Variants in SORCS2 observed in about 807,000 individuals in gnomAD.
SORCS2 encodes VPS10 domain-containing receptor SorCS2.
In SORCS2, 100 loss-of-function variants were observed where a neutral mutation model predicts 141.6. The observed-to-expected ratio is 0.71, with a 90% CI of 0.60 to 0.83. The LOEUF is 0.83. Ranked by LOEUF, SORCS2 falls within the 40% of genes least tolerant of loss-of-function variation. SORCS2 has a pLI of 0.00. For synonymous variants in SORCS2, 789 were observed against 676.9 expected (o/e 1.17, Z -2.57); for missense variants, 1,646 against 1,560.2 (o/e 1.05, Z -0.93).
chr4:7,531,289 G>T (rs78961043), intron 2 of SORCS2, among the ~76,000 whole-genome samples: 967 of 152,308 alleles, frequency 6.3e-3, no homozygotes, highest in Non-Finnish European at 0.01. Context: ...CCTGACTTTG[G>T]ATCCTAGCTC....
intron 24 of SORCS2, among the ~76,000 whole-genome samples, chr4:7,733,820 C>G (rs1385358283): frequency 6.6e-6 from 1 of 152,234 alleles, no homozygotes; most frequent in Non-Finnish European, 1.5e-5. Context: ...TCAACATAGC[C>G]GGGGAGCTCT....
At chr4:7,394,718 G>C (rs1724093780) in intron 1 of SORCS2, among the ~76,000 whole-genome samples, 1 of 152,090 alleles carries the variant, frequency 6.6e-6, no homozygotes, top group Non-Finnish European at 1.5e-5. Flanking sequence ...ACGGGGATGT[G>C]AAGCCAGCCT....
intron 25 of SORCS2, among the ~76,000 whole-genome samples, chr4:7,734,669 G>A (rs1206630958): frequency 6.6e-6 from 1 of 152,202 alleles, no homozygotes; most frequent in African/African-American, 2.4e-5. Context: ...CCACCTCACA[G>A]GGAGGACACT....
chr4:7,352,056 C>T (rs1005839018), intron 1 of SORCS2, among the ~76,000 whole-genome samples: 2 of 152,102 alleles, frequency 1.3e-5, no homozygotes, highest in Non-Finnish European at 1.5e-5. Context: ...CCACCCAATA[C>T]TTGCTCTGTA....
At chr4:7,470,645 C>T (rs1389349908) in intron 2 of SORCS2, among the ~76,000 whole-genome samples, 1 of 150,060 alleles carries the variant, frequency 6.7e-6, no homozygotes, top group African/African-American at 2.5e-5. Context: ...TGGAGAGACA[C>T]AGGTGATGAT....
intron 3 of SORCS2, among the ~76,000 whole-genome samples, chr4:7,546,518 G>T (rs1459083512): frequency 2.6e-5 from 4 of 151,928 alleles, no homozygotes; most frequent in African/African-American, 9.7e-5. Context: ...AATAAATGGT[G>T]CTGTCCTTCA....
chr4:7,677,698 A>T (rs989217534), intron 9 of SORCS2, among the ~76,000 whole-genome samples: 1 of 152,244 alleles, frequency 6.6e-6, no homozygotes, highest in African/African-American at 2.4e-5. Context: ...CAGCAGCAGC[A>T]GAACTGTGGT....
At chr4:7,394,575 A>G (rs1345343842) in intron 1 of SORCS2, among the ~76,000 whole-genome samples, 1 of 151,596 alleles carries the variant, frequency 6.6e-6, no homozygotes, top group East Asian at 1.9e-4. Context: ...AAAGGCCCCA[A>G]ATGCTGGGGT....
At chr4:7,737,958 G>T (rs2148905682) in intron 26 of SORCS2, among the ~76,000 whole-genome samples, 1 of 152,348 alleles carries the variant, frequency 6.6e-6, no homozygotes, top group Non-Finnish European at 1.5e-5. Flanking sequence ...CTCGCTGTGT[G>T]GCTTGGGCTT....
Position 7,654,147 on chromosome 4 carries a change from C to A in SORCS2, c.827C>A (p.Ser276Tyr). 6.3e-7 allele frequency: 1 copy of A among 1,580,038 alleles called. No homozygotes were observed. The highest frequency in any genetic ancestry group is 1.2e-5 in the South Asian group (1 of 86,502). The change falls in exon 5 of 27, where the codon TCT (serine) becomes TAT (tyrosine). Residue 276 changes from serine to tyrosine, a missense_variant. Physicochemically the swap from Ser to Tyr is moderately radical, Grantham distance 144 (BLOSUM62 -2). Coordinates refer to ENST00000507866, the MANE Select transcript of SORCS2 (RefSeq NM_020777.3). ...YTKESKLYVS[S>Y]DLGKKWTLLQ... ...TCTGCCCTAAAGCTCTACGTGTCATCTGACTTGGGGAAAAAGTGGACACTT... is the reference window on the plus strand; with the variant it reads ...TCTGCCCTAAAGCTCTACGTGTCATATGACTTGGGGAAAAAGTGGACACTT...
rs77762075 is a variant in SORCS2 at position 7,218,084 on chromosome 4, G to A, written c.480+24958G>A. Among the ~76,000 whole-genome samples, 287 of 152,260 alleles carry A rather than the reference G, an allele frequency of 1.9e-3. 1 individual carries two copies. Among genetic ancestry groups the A allele is most frequent in the Admixed American group, 6.5e-3 (99 of 15,294 alleles). The stretch of plus-strand genomic sequence containing the variant: ...AATGGCCAGGGTGGGCAGAGCTGCC[G>A]GATGGGTTGGGGGTCAGGAGGGGCC... On this transcript the variant is annotated intron_variant, in intron 1 of 26. Coordinates refer to ENST00000507866, the MANE Select transcript of SORCS2 (RefSeq NM_020777.3).
At chr4:7,360,061 C>T (rs902907339) in intron 1 of SORCS2, among the ~76,000 whole-genome samples, 2 of 152,168 alleles carry the variant, frequency 1.3e-5, no homozygotes, top group Admixed American at 6.5e-5. Flanking sequence ...TTTAATGAAT[C>T]CTTATAGTAT....
intron 16 of SORCS2, 96 bp downstream of exon 16, chr4:7,714,469 A>G: frequency 7.2e-7 from 1 of 1,383,502 alleles, no homozygotes; most frequent in Non-Finnish European, 9.7e-7. Context: ...AGGAAGCCTC[A>G]GCGCCTTTTA....
At chr4:7,329,419 G>A (rs949747142) in intron 1 of SORCS2, among the ~76,000 whole-genome samples, 7 of 152,166 alleles carry the variant, frequency 4.6e-5, no homozygotes, top group Admixed American at 6.5e-5. Flanking sequence ...CCTGAGCCAC[G>A]GTGGCAATGG....
intron 4 of SORCS2, among the ~76,000 whole-genome samples, chr4:7,644,810 G>A (rs1357071012): frequency 2.0e-5 from 3 of 152,190 alleles, no homozygotes; most frequent in Non-Finnish European, 2.9e-5. Flanking sequence ...CACCTCCACT[G>A]CTTTCTGAGA....
chr4:7,444,031 G>C (rs1186047398), intron 2 of SORCS2, among the ~76,000 whole-genome samples: 1 of 152,246 alleles, frequency 6.6e-6, no homozygotes, highest in African/African-American at 2.4e-5. Context: ...TATCCCCACA[G>C]GTGAAGGTTG....
At chr4:7,488,069 C>G (rs971331216) in intron 2 of SORCS2, among the ~76,000 whole-genome samples, 3 of 152,202 alleles carry the variant, frequency 2.0e-5, no homozygotes, top group African/African-American at 7.2e-5. Context: ...ATGCGCATCT[C>G]CCGGTACCTG....
intron 1 of SORCS2, among the ~76,000 whole-genome samples, chr4:7,252,741 C>G (rs191667450): frequency 6.6e-6 from 1 of 152,224 alleles, no homozygotes; most frequent in African/African-American, 2.4e-5. Context: ...AGGACTGTTG[C>G]AGGCATGGAG....
chr4:7,429,788 C>T (rs1442956720), intron 2 of SORCS2, among the ~76,000 whole-genome samples: 1 of 152,170 alleles, frequency 6.6e-6, no homozygotes, highest in Middle Eastern at 3.2e-3. Context: ...GAACACACGC[C>T]CTGAGCCTGC....
Sources: gnomAD v4.1 joint callset for allele counts (sites outside exome capture counted in the v4.1 genomes callset) on GRCh38, gnomAD v4.1.1 for gene constraint, MANE v1.5 for transcripts, NCBI Gene and HGNC (gene_info 2026-07-23, HGNC 2026-07-21) for gene names.